PDGFRA: variants seen among roughly 807,000 people sequenced by gnomAD.
The protein encoded by PDGFRA is platelet derived growth factor receptor alpha, also known as platelet-derived growth factor receptor alpha.
In PDGFRA, 25 loss-of-function variants were observed where a neutral mutation model predicts 121.5. The ratio of observed to expected loss-of-function variants is 0.21; its 90% CI spans 0.15 to 0.29. PDGFRA has a LOEUF of 0.29. PDGFRA is among the 10% of genes least tolerant of loss of function. The pLI, the probability that PDGFRA is intolerant of heterozygous loss-of-function variation, is 1.00. For missense variants in PDGFRA, 1,008 were observed against 1,345.1 expected (o/e 0.75, Z 3.92); for synonymous variants, 463 against 494.8 (o/e 0.94, Z 0.85).
intron 4 of PDGFRA, 128 bp from the exon 5 acceptor site, chr4:54,264,791 A>T: frequency 2.4e-6 from 2 of 845,100 alleles, no homozygotes; most frequent in Non-Finnish European, 3.8e-6. Context: ...TCCAAATTTT[A>T]TCTTGATCAA....
intron 14 of PDGFRA, 107 bp from the exon 15 acceptor site, chr4:54,278,242 AAAAAAAAAAAACT>A: frequency 1.5e-6 from 1 of 659,570 alleles, no homozygotes; most frequent in Non-Finnish European, 2.6e-6. Context: ...AAAAAAAAAA[AAAAAAAAAAAACT>A]TTTTTGGTAT....
At chr4:54,233,169 A>G (rs545602820) in intron 1 of PDGFRA, among the ~76,000 whole-genome samples, 68 of 150,284 alleles carry the variant, frequency 4.5e-4, no homozygotes, top group Non-Finnish European at 8.0e-4. Context: ...TGAGGTTCAG[A>G]GCGCGGCGCG....
In PDGFRA at chr4:54,229,412, G is replaced by A; in HGVS notation, c.-16G>A. 1 of 398,334 alleles carries A rather than the reference G, an allele frequency of 2.5e-6. No individual in the cohort carries two copies. Among genetic ancestry groups the A allele is most frequent in the Non-Finnish European group, 4.4e-6 (1 of 226,006 alleles). The allele number at this position is 398,334 out of a possible 1,614,324, so 24.7% of individuals were successfully genotyped here. ...TTCATTGCGGAATAACATCGGAGGA[G>A]AAGGTAAGGGAAAAGAAAAAATGAT... On this transcript the variant is annotated 5_prime_UTR_variant, in exon 1 of 23. Transcript: ENST00000257290.
rs1273444748 is a variant in PDGFRA at position 54,263,874 on chromosome 4, C to T, written c.575C>T (p.Thr192Ile). The T allele has an allele frequency of 1.2e-6, 2 of 1,613,908 alleles. No homozygotes were observed. The highest frequency in any genetic ancestry group is 1.7e-6 in the Non-Finnish European group (2 of 1,179,932). The change falls in exon 4 of 23, where the codon ACC becomes ATC. Residue 192 changes from threonine (T) to isoleucine (I), a missense_variant. Transcript: ENST00000257290. ...GTAGGGCCCTATATCTGTGAGGCCACCGTCAAAGGAAAGAAGTTCCAGACC... is the reference window on the plus strand; with the variant it reads ...GTAGGGCCCTATATCTGTGAGGCCATCGTCAAAGGAAAGAAGTTCCAGACC... ...FTVGPYICEA[T>I]VKGKKFQTIP...
chr4:54,235,365 T>C (rs112411849), intron 1 of PDGFRA, among the ~76,000 whole-genome samples: 26 of 152,390 alleles, frequency 1.7e-4, no homozygotes, highest in African/African-American at 5.8e-4. Context: ...AGGAGAAGAA[T>C]GTCTTGCTGT....
In PDGFRA at chr4:54,246,867, A is replaced by T. The variant is rs551636336; in HGVS notation, c.-12-11890A>T. On this transcript the variant is annotated intron_variant, in intron 1 of 22. Coordinates refer to ENST00000257290, the MANE Select transcript of PDGFRA (RefSeq NM_006206.6). The stretch of plus-strand genomic sequence containing the variant: ...AGAGAAGAATCAAATAGACGCAAAA[A>T]AAAAAATGATAAAGGGGATATCACC... Among the ~76,000 whole-genome samples, 52 of 152,158 alleles carry T rather than the reference A, an allele frequency of 3.4e-4. 1 individual carries two copies. The South Asian group carries it at 9.5e-3, about 28-fold the overall frequency.
At chr4:54,275,540 T>TA (rs1360256505) in intron 12 of PDGFRA, among the ~76,000 whole-genome samples, 1 of 152,226 alleles carries the variant, frequency 6.6e-6, no homozygotes, top group Non-Finnish European at 1.5e-5. Flanking sequence ...ATTTCTTTTT[T>TA]AAATCACATT....
Position 54,278,563 on chromosome 4 carries a change from CA to C in PDGFRA, c.2156+49del. The stretch of plus-strand genomic sequence containing the variant: ...CTGTCTATCATTATCTTACAGGCAT[CA>C]CAAATGGAAAGACCCATGTCCTGAT... On this transcript the variant is annotated intron_variant, in intron 15 of 22. Coordinates refer to ENST00000257290, the MANE Select transcript of PDGFRA (RefSeq NM_006206.6). The C allele has an allele frequency of 1.9e-6, 3 of 1,577,704 alleles. 1 individual carries two copies. In the South Asian group the frequency reaches 3.3e-5, roughly 17 times the overall value.
intron 10 of PDGFRA, 127 bp downstream of exon 10, chr4:54,273,857 C>A: frequency 1.3e-6 from 1 of 760,262 alleles, no homozygotes; most frequent in Non-Finnish European, 2.2e-6. Flanking sequence ...TATGAATGCT[C>A]TTAAAGTCAT....
intron 5 of PDGFRA, among the ~76,000 whole-genome samples, chr4:54,266,152 T>C (rs1486785358): frequency 1.3e-5 from 2 of 152,206 alleles, no homozygotes; most frequent in African/African-American, 4.8e-5. Flanking sequence ...ACATAAACAC[T>C]GCTTTCTATT....
At chr4:54,287,681 C>T (rs1208628697) in intron 19 of PDGFRA, 140 bp downstream of exon 19, 4 of 708,560 alleles carry the variant, frequency 5.6e-6, no homozygotes, top group African/African-American at 1.7e-5. Context: ...CCTCAAACCA[C>T]ATGTTGTGCC....
chr4:54,264,808 T>C, intron 4 of PDGFRA, 111 bp from the exon 5 acceptor site: 1 of 1,022,066 alleles, frequency 9.8e-7, no homozygotes, highest in Admixed American at 2.1e-5. Flanking sequence ...TCAAACTGGT[T>C]TGCAAATTAT....
intron 4 of PDGFRA, chr4:54,264,482 G>T (rs1302322086): frequency 7.3e-6 from 2 of 273,750 alleles, no homozygotes; most frequent in African/African-American, 2.3e-5. Context: ...ACTGTGCTAG[G>T]TTCTGGGAAA....
In PDGFRA at chr4:54,280,488, A is replaced by C; in HGVS notation, c.2323+6A>C. On this transcript the variant is annotated splice_donor_region_variant and intron_variant, in intron 16 of 22. Coordinates refer to ENST00000257290, the MANE Select transcript of PDGFRA (RefSeq NM_006206.6). Reference sequence around the variant, plus strand: ...TAAGAAGAAATCTATGTTAGGTAAAAGTGTCTATACTCACTCTGGGTGTTG... The same window carrying C: ...TAAGAAGAAATCTATGTTAGGTAAACGTGTCTATACTCACTCTGGGTGTTG... 3.1e-6 allele frequency: 5 copies of C among 1,608,472 alleles called. No individual in the cohort carries two copies. Among genetic ancestry groups the C allele is most frequent in the Non-Finnish European group, 4.3e-6 (5 of 1,175,272 alleles).
chr4:54,297,580 C>T lies in PDGFRA; in HGVS notation c.*2308C>T, dbSNP rs1025525239. ...GTGAGCCTTGCATGACATCATGAGG[C>T]CGGATGAAACTTCTCAGTCCAGCAG... On this transcript the variant is annotated 3_prime_UTR_variant, in exon 23 of 23. Coordinates refer to ENST00000257290, the MANE Select transcript of PDGFRA (RefSeq NM_006206.6). 1.3e-5 allele frequency: 3 copies of T among 233,534 alleles called. No homozygotes were observed. Among genetic ancestry groups the T allele is most frequent in the Non-Finnish European group, 2.5e-5 (3 of 118,064 alleles). 14.5% of individuals were successfully genotyped at this position (233,534 alleles called of 1,614,324 possible).
chr4:54,229,528 G>A (rs2110158673), intron 1 of PDGFRA, 113 bp downstream of exon 1: 2 of 391,918 alleles, frequency 5.1e-6, no homozygotes, highest in Admixed American at 8.9e-5. Context: ...AAAAAAAAAG[G>A]AGCTGGATTC....
At chr4:54,264,426 G>T (rs915638156) in intron 4 of PDGFRA, 3 of 244,994 alleles carry the variant, frequency 1.2e-5, no homozygotes, top group Non-Finnish European at 2.4e-5. Flanking sequence ...GTAGCAGCAA[G>T]AGTACACTGT....
At chr4:54,284,344 T>A (rs1272395338) in intron 16 of PDGFRA, among the ~76,000 whole-genome samples, 1 of 152,184 alleles carries the variant, frequency 6.6e-6, no homozygotes, top group Non-Finnish European at 1.5e-5. Flanking sequence ...TCCCCATTCC[T>A]TGATACCAAT....
intron 7 of PDGFRA, among the ~76,000 whole-genome samples, chr4:54,268,889 G>A (rs1723180128): frequency 6.6e-6 from 1 of 152,166 alleles, no homozygotes; most frequent in Admixed American, 6.5e-5. Context: ...AGCAGTGGCA[G>A]GACAGGCTCG....
Sources: gnomAD v4.1 joint callset for allele counts (sites outside exome capture counted in the v4.1 genomes callset) on GRCh38, gnomAD v4.1.1 for gene constraint, MANE v1.5 for transcripts, NCBI Gene and HGNC (gene_info 2026-07-23, HGNC 2026-07-21) for gene names.